The following ADGRG4 variants were observed in gnomAD, a reference collection of about 807,000 sequenced individuals.
ADGRG4 encodes G protein-coupled receptor 112.
Under a neutral mutation model 126.2 loss-of-function variants are expected in ADGRG4, and 122 were observed. The observed-to-expected ratio is 0.97, with a 90% CI of 0.83 to 1.12. ADGRG4 has a LOEUF of 1.12. Ranked by LOEUF, ADGRG4 falls within the 50% of genes most tolerant of loss-of-function variation. ADGRG4 has a pLI of 0.00. For synonymous variants in ADGRG4, 943 were observed against 838.7 expected, an observed-to-expected ratio of 1.12 and a Z score of -2.15; for missense variants, 2,481 against 2,251.8, an observed-to-expected ratio of 1.10 and a Z score of -2.06.
chrX:136,326,614 A>AT (rs1455184058), intron 5 of ADGRG4, among the ~76,000 whole-genome samples: 1 of 111,336 alleles, frequency 9.0e-6, no homozygotes, highest in African/African-American at 3.3e-5. Context: ...ACCTGGGGAA[A>AT]TTAGGCTACT....
chrX:136,362,496 A>G (rs1038503117), intron 12 of ADGRG4, among the ~76,000 whole-genome samples: 3 of 111,842 alleles, frequency 2.7e-5, no homozygotes, highest in Non-Finnish European at 5.6e-5. Context: ...GGCTGCTATC[A>G]TGCCACTGTC....
At chrX:136,357,865 C>G (rs2075103726) in intron 10 of ADGRG4, 109 bp downstream of exon 10, 2 of 513,222 alleles carry the variant, frequency 3.9e-6, no homozygotes, top group Non-Finnish European at 6.8e-6. Context: ...AGAAGAAGAT[C>G]AAAGTACCCA....
intron 9 of ADGRG4, among the ~76,000 whole-genome samples, chrX:136,357,404 G>C (rs1356536380): frequency 8.9e-6 from 1 of 111,961 alleles, no homozygotes; most frequent in Non-Finnish European, 1.9e-5. Context: ...GATCCAGAAG[G>C]CTTAGATTCT....
At chrX:136,343,332 G>A (rs1231005724) in intron 5 of ADGRG4, among the ~76,000 whole-genome samples, 1 of 111,094 alleles carries the variant, frequency 9.0e-6, no homozygotes, top group African/African-American at 3.3e-5. Context: ...TGAGCTTGAG[G>A]TGTTAATGAG....
intron 4 of ADGRG4, among the ~76,000 whole-genome samples, chrX:136,321,937 C>T (rs765912444): frequency 8.9e-6 from 1 of 111,968 alleles, no homozygotes; most frequent in South Asian, 3.8e-4. Flanking sequence ...TAAAGTTGAA[C>T]GGGCATACAA....
intron 18 of ADGRG4, 63 bp downstream of exon 18, chrX:136,393,643 T>A: frequency 1.2e-6 from 1 of 833,614 alleles, no homozygotes. Context: ...GGCAGTTAAA[T>A]GGGAGGGGGT....
chrX:136,346,174 C>A lies in ADGRG4; in HGVS notation c.2468C>A (p.Thr823Lys), dbSNP rs149924831. The change falls in exon 6 of 26, where the codon ACG becomes AAG. Residue 823 changes from threonine to lysine, a missense_variant. Coordinates refer to ENST00000394143, the MANE Select transcript of ADGRG4 (RefSeq NM_153834.4). The part of the protein sequence containing the change: ...INGAIVFGGT[T>K]TPVPKSATTQ... ...GGTGCAATTGTATTTGGAGGTACAA[C>A]GACCCCTGTACCAAAGTCAGCAACA... is the stretch of plus-strand genomic sequence containing the variant. 8 of 1,205,236 alleles carry A rather than the reference C, an allele frequency of 6.6e-6. No individual in the cohort carries two copies. Among genetic ancestry groups the A allele is most frequent in the African/African-American group, 3.5e-5 (2 of 56,985 alleles).
At chrX:136,373,091 C>T (rs1423772980) in intron 15 of ADGRG4, 27 bp downstream of exon 15, 1 of 1,149,860 alleles carries the variant, frequency 8.7e-7, no homozygotes, top group East Asian at 3.0e-5. Flanking sequence ...GAACTGAGAG[C>T]CAATCAGCCA....
intron 8 of ADGRG4, among the ~76,000 whole-genome samples, 180 bp from the exon 9 acceptor site, chrX:136,355,946 G>T (rs1203040247): frequency 4.5e-5 from 5 of 111,514 alleles, no homozygotes; most frequent in Non-Finnish European, 9.4e-5. Context: ...CCACCATTTT[G>T]GTATGCATAT....
At chrX:136,406,759 A>G (rs1052762837) in intron 23 of ADGRG4, among the ~76,000 whole-genome samples, 6 of 110,784 alleles carry the variant, frequency 5.4e-5, no homozygotes, top group Non-Finnish European at 9.4e-5. Context: ...ACTAAAAAAT[A>G]TAAAAATTAT....
At chrX:136,372,483 C>T (rs978655391) in intron 14 of ADGRG4, among the ~76,000 whole-genome samples, 2 of 111,671 alleles carry the variant, frequency 1.8e-5, no homozygotes, top group African/African-American at 6.5e-5. Flanking sequence ...TATATCAGGT[C>T]ATGTCCTTAC....
At position 136,359,465 on chromosome X, in the gene ADGRG4, T is replaced by C; in HGVS notation, c.7144+10T>C. The C allele has an allele frequency of 1.7e-6, 2 of 1,173,469 alleles. No homozygotes were observed. Among genetic ancestry groups the C allele is most frequent in the African/African-American group, 1.8e-5 (1 of 56,700 alleles). ...GCAGTGAAAAAACTAGGTAATTTTT[T>C]TGGGGGGTGGATATTGCAGTATGAA... On this transcript the variant is annotated intron_variant, in intron 11 of 25. Transcript: ENST00000394143.
intron 15 of ADGRG4, among the ~76,000 whole-genome samples, chrX:136,387,522 G>T (rs995571964): frequency 3.6e-5 from 4 of 111,322 alleles, no homozygotes; most frequent in African/African-American, 6.5e-5. Context: ...AGGAAAAGAT[G>T]ATGTGTGTTT....
intron 16 of ADGRG4, among the ~76,000 whole-genome samples, chrX:136,388,654 C>T (rs2075304222): frequency 8.9e-6 from 1 of 112,025 alleles, no homozygotes; most frequent in Admixed American, 9.5e-5. Context: ...AGGTCTCTGC[C>T]TAACAAAAGC....
chrX:136,392,443 G>A (rs750038603), intron 17 of ADGRG4, 89 bp downstream of exon 17: 9 of 801,295 alleles, frequency 1.1e-5, no homozygotes, highest in Non-Finnish European at 1.4e-5. Flanking sequence ...ATTAACAGAT[G>A]TGATTCTAAC....
In ADGRG4 at chrX:136,347,879, C is replaced by T; in HGVS notation, c.4173C>T (p.Pro1391=). ...ESTSALPAYT[P]RTVEMIVNST... is the part of the protein sequence containing the mutation. ...CGAGTGCCCTTCCAGCATATACTCCCAGGACTGTGGAAATGATAGTAAACT... is the reference window on the plus strand; with the variant it reads ...CGAGTGCCCTTCCAGCATATACTCCTAGGACTGTGGAAATGATAGTAAACT... The change falls in exon 6 of 26, where the codon CCC becomes CCT. Residue 1391 remains proline, a synonymous_variant. Coordinates refer to ENST00000394143, the MANE Select transcript of ADGRG4 (RefSeq NM_153834.4). 1 of 1,210,337 alleles carries T rather than the reference C, an allele frequency of 8.3e-7. No homozygotes were observed.
intron 13 of ADGRG4, among the ~76,000 whole-genome samples, chrX:136,365,023 C>T (rs911934956): frequency 6.3e-5 from 7 of 111,666 alleles, no homozygotes; most frequent in South Asian, 3.8e-4. Context: ...GCACCTTTTT[C>T]GCAACTCCTT....
intron 25 of ADGRG4, among the ~76,000 whole-genome samples, chrX:136,415,468 G>A (rs986608492): frequency 1.8e-5 from 2 of 111,409 alleles, no homozygotes; most frequent in East Asian, 2.8e-4. Context: ...TTTCAGGACC[G>A]TGTATGGGGC....
intron 5 of ADGRG4, among the ~76,000 whole-genome samples, chrX:136,324,721 C>T (rs921245840): frequency 1.8e-5 from 2 of 111,967 alleles, no homozygotes; most frequent in African/African-American, 6.5e-5. Flanking sequence ...CTCTTGTGTC[C>T]TTTTGACAAG....
Sources: gnomAD v4.1 joint callset for allele counts (sites outside exome capture counted in the v4.1 genomes callset) on GRCh38, gnomAD v4.1.1 for gene constraint, MANE v1.5 for transcripts, NCBI Gene and HGNC (gene_info 2026-07-23, HGNC 2026-07-21) for gene names.